The following TRIM28 variants were observed in gnomAD, a reference collection of about 807,000 sequenced individuals.
TRIM28 encodes tripartite motif containing 28, also known as transcription intermediary factor 1-beta.
In TRIM28, 8 loss-of-function variants were observed where a neutral mutation model predicts 87.4. That is an observed-to-expected ratio of 0.09 (90% confidence interval 0.05 to 0.17). The LOEUF is 0.17. Ranked by LOEUF, TRIM28 falls within the 10% of genes least tolerant of loss-of-function variation. The probability of loss-of-function intolerance (pLI) is 1.00; values close to 1 mark genes in which losing one functional copy is unlikely to be tolerated. For missense variants in TRIM28, 968 were observed against 1,131.8 expected (o/e 0.86, Z 2.08); for synonymous variants, 601 against 454.3 (o/e 1.32, Z -4.11).
At chr19:58,545,298 G>T (rs2053751159) in intron 1 of TRIM28, 127 bp from the exon 2 acceptor site, 1 of 934,808 alleles carries the variant, frequency 1.1e-6, no homozygotes, top group African/African-American at 1.7e-5. Flanking sequence ...GAGAAAAGAA[G>T]GCTCGGGGAG....
rs748177645 is a variant in TRIM28, at chr19:58,544,946, G to A, written c.189G>A (p.Glu63=). ...GGGAEALELL[E]HCGVCRERLR... is the part of the protein sequence containing the mutation. Reference sequence around the variant, plus strand: ...GCGCCGAGGCGCTGGAGCTGCTGGAGCACTGCGGCGTGTGCAGAGAGCGCC... The same window carrying A: ...GCGCCGAGGCGCTGGAGCTGCTGGAACACTGCGGCGTGTGCAGAGAGCGCC... Residue 63 remains glutamate (E), a synonymous_variant, in exon 1 of 17, where the codon GAG becomes GAA. Transcript: ENST00000253024. 799 of 1,485,568 alleles carry A rather than the reference G, an allele frequency of 5.4e-4. 1 individual carries two copies. The highest frequency in any genetic ancestry group is 6.8e-4 in the Non-Finnish European group (770 of 1,129,102). The allele number at this position is 1,485,568 out of a possible 1,614,324, so 92.0% of individuals were successfully genotyped here. A position where few individuals can be genotyped will look rare whatever the true frequency, so the allele number is the denominator to read the frequency against.
rs920298715 is a variant in TRIM28 at position 58,544,291 on chromosome 19, G to T, written c.-467G>T. On this transcript the variant is annotated 5_prime_UTR_variant, in exon 1 of 17. Coordinates refer to ENST00000253024, the MANE Select transcript of TRIM28 (RefSeq NM_005762.3). ...GCCCCGCCCCCACAAGAGCCCCACC[G>T]ACGTGGGGTTGGCGGTGGTGGAAGG... 2 of 152,354 alleles carry T rather than the reference G, an allele frequency of 1.3e-5. No homozygotes were observed. Among genetic ancestry groups the T allele is most frequent in the African/African-American group, 2.4e-5 (1 of 41,400 alleles). 9.4% of individuals were successfully genotyped at this position (152,354 alleles called of 1,614,324 possible).
At chr19:58,547,143 C>T (rs1250424761) in intron 3 of TRIM28, 12 of 541,100 alleles carry the variant, frequency 2.2e-5, no homozygotes, top group Admixed American at 1.4e-4. Flanking sequence ...TTGTTGTTAT[C>T]TCTAGAAGCT....
At position 58,545,604 on chromosome 19, in the gene TRIM28, G is replaced by A. The variant is rs974953470; in HGVS notation, c.453+67G>A. ...GGGGCATCTGCGCAGGAGGAGCTTG[G>A]CACCAGCTCCAGGCTGTTACTCCAC... is the stretch of plus-strand genomic sequence containing the variant. On this transcript the variant is annotated intron_variant, in intron 2 of 16. Coordinates refer to ENST00000253024, the MANE Select transcript of TRIM28 (RefSeq NM_005762.3). The A allele has an allele frequency of 3.2e-5, 47 of 1,490,020 alleles. No individual in the cohort carries two copies. In the Admixed American group the frequency reaches 8.1e-4, roughly 26 times the overall value. The allele number at this position is 1,490,020 out of a possible 1,614,324, so 92.3% of individuals were successfully genotyped here.
chr19:58,546,482 CT>C (rs2053762244), intron 3 of TRIM28, among the ~76,000 whole-genome samples: 1 of 152,124 alleles, frequency 6.6e-6, no homozygotes, highest in South Asian at 2.1e-4. Flanking sequence ...CATGAGTGGC[CT>C]TTTGGTAGCC....
In TRIM28 at chr19:58,544,929, G is replaced by C; in HGVS notation, c.172G>C (p.Ala58Pro). 3 of 1,434,594 alleles carry C rather than the reference G, an allele frequency of 2.1e-6. No individual in the cohort carries two copies. Among genetic ancestry groups the C allele is most frequent in the Non-Finnish European group, 2.7e-6 (3 of 1,103,398 alleles). 88.9% of individuals were successfully genotyped at this position (1,434,594 alleles called of 1,614,324 possible). ...GTCGCCCGCGGGGGGCGGCGCCGAG[G>C]CGCTGGAGCTGCTGGAGCACTGCGG... The part of the protein sequence containing the change: ...ASSPAGGGAE[A>P]LELLEHCGVC... Residue 58 changes from alanine (A) to proline (P), a missense_variant, in exon 1 of 17, where the codon GCG (alanine) becomes CCG (proline). By Grantham distance (27) the Ala-to-Pro change is conservative. Coordinates refer to ENST00000253024, the MANE Select transcript of TRIM28 (RefSeq NM_005762.3).
Position 58,547,590 on chromosome 19 carries a change from C to G in TRIM28, c.723-7C>G. The G allele has an allele frequency of 6.2e-7, 1 of 1,613,986 alleles. No homozygotes were observed. The highest frequency in any genetic ancestry group is 1.1e-5 in the South Asian group (1 of 91,080). ...TAGTGCTCAGGAACACATCTGTCTG[C>G]TCTCAGGTACCAGTTCTTAGAGGAT... On this transcript the variant is annotated splice_polypyrimidine_tract_variant and splice_region_variant and intron_variant, in intron 4 of 16. Transcript: ENST00000253024.
In TRIM28 at chr19:58,549,230, C is replaced by G; in HGVS notation, c.1652C>G (p.Ala551Gly). 6.2e-7 allele frequency: 1 copy of G among 1,613,384 alleles called. No homozygotes were observed. Among genetic ancestry groups the G allele is most frequent in the Non-Finnish European group, 8.5e-7 (1 of 1,179,548 alleles). The change falls in exon 12 of 17, where the codon GCC becomes GGC. Residue 551 changes from alanine (A) to glycine (G), a missense_variant. Physicochemically the swap from Ala to Gly is moderately conservative, Grantham distance 60. Transcript: ENST00000253024. The surrounding 1 kb of genome is among the most constrained non-coding windows in gnomAD (Gnocchi z 4.4). The stretch of plus-strand genomic sequence containing the variant: ...GGTGCCCCACCCCTGGCTGGCATGG[C>G]CATTGTCAAGGTAAGCCTGTCCCAA... Reference protein sequence around the residue: ...TPGAPPLAGMAIVKEEETEAA... With the variant: ...TPGAPPLAGMGIVKEEETEAA...
chr19:58,550,536 C>T lies in TRIM28; in HGVS notation c.2491C>T (p.Pro831Ser), dbSNP rs2053808141. Reference protein sequence around the residue: ...GLSSQELSGGPGDGP With the variant: ...GLSSQELSGGSGDGP ...GAGTTCCCAGGAGCTGTCTGGTGGC[C>T]CTGGTGATGGCCCCTGAGGCTGGAG... Residue 831 changes from proline (P) to serine (S), a missense_variant, in exon 17 of 17, where the codon CCT becomes TCT. Pro to Ser is a moderately conservative substitution (Grantham distance 74). Transcript: ENST00000253024. The T allele has an allele frequency of 1.9e-6, 3 of 1,609,204 alleles. No individual in the cohort carries two copies. Among genetic ancestry groups the T allele is most frequent in the Non-Finnish European group, 1.7e-6 (2 of 1,179,864 alleles).
At chr19:58,546,635 G>C (rs532613586) in intron 3 of TRIM28, among the ~76,000 whole-genome samples, 12 of 152,300 alleles carry the variant, frequency 7.9e-5, no homozygotes, top group African/African-American at 2.6e-4. Flanking sequence ...CAAAGGTCAG[G>C]GTGCAGGAAT....
chr19:58,547,131 C>G, intron 3 of TRIM28: 1 of 505,514 alleles, frequency 2.0e-6, no homozygotes, highest in Non-Finnish European at 3.6e-6. Flanking sequence ...CTTACCCTTA[C>G]ATTGTTGTTA....
Position 58,544,792 on chromosome 19 carries a change from C to G in TRIM28, c.35C>G (p.Ala12Gly). The G allele has an allele frequency of 3.4e-6, 4 of 1,191,912 alleles. No homozygotes were observed. Among genetic ancestry groups the G allele is most frequent in the Non-Finnish European group, 4.2e-6 (4 of 962,992 alleles). The allele number at this position is 1,191,912 out of a possible 1,614,324, so 73.8% of individuals were successfully genotyped here. Residue 12 changes from alanine to glycine, a missense_variant, in exon 1 of 17, where the codon GCG (alanine) becomes GGG (glycine). Coordinates refer to ENST00000253024, the MANE Select transcript of TRIM28 (RefSeq NM_005762.3). ...AASAAAASAA[A>G]ASAASGSPGP... ...TCCGCGGCGGCAGCCTCGGCAGCAGCGGCCTCGGCCGCCTCTGGCAGCCCG... is the reference window on the plus strand; with the variant it reads ...TCCGCGGCGGCAGCCTCGGCAGCAGGGGCCTCGGCCGCCTCTGGCAGCCCG...
rs2053792894 is a variant in TRIM28 at position 58,549,374 on chromosome 19, C to G, written c.1706C>G (p.Thr569Ser). The change falls in exon 13 of 17, where the codon ACT becomes AGT. Residue 569 changes from threonine (T) to serine (S), a missense_variant. By Grantham distance (58) the Thr-to-Ser change is moderately conservative. Around this residue, in one of 11 missense-constraint regions of TRIM28, gnomAD observed 164 missense variants for 146.2 expected, o/e 1.12. Coordinates refer to ENST00000253024, the MANE Select transcript of TRIM28 (RefSeq NM_005762.3). This position sits in a 1 kb window ranked among gnomAD's most constrained non-coding sequence, Gnocchi z 4.4. ...GCCATTGGAGCCCCTCCTACTGCCACTGAGGGCCCTGAGACCAAACCTGTG... is the reference window on the plus strand; with the variant it reads ...GCCATTGGAGCCCCTCCTACTGCCAGTGAGGGCCCTGAGACCAAACCTGTG... ...EAAIGAPPTA[T>S]EGPETKPVLM... is the part of the protein sequence containing the mutation. 2.5e-6 allele frequency: 4 copies of G among 1,573,258 alleles called. 1 individual carries two copies. The highest frequency in any genetic ancestry group is 2.3e-5 in the South Asian group (2 of 85,924).
In TRIM28 at chr19:58,544,957, T is replaced by A; in HGVS notation, c.200T>A (p.Val67Glu). ...CTGGAGCTGCTGGAGCACTGCGGCG[T>A]GTGCAGAGAGCGCCTGCGACCCGAG... ...EALELLEHCG[V>E]CRERLRPERE... is the part of the protein sequence containing the mutation. The change falls in exon 1 of 17, where the codon GTG becomes GAG. Residue 67 changes from valine (V) to glutamate (E), a missense_variant. Coordinates refer to ENST00000253024, the MANE Select transcript of TRIM28 (RefSeq NM_005762.3). 6.7e-7 allele frequency: 1 copy of A among 1,502,474 alleles called. No individual in the cohort carries two copies. The highest frequency in any genetic ancestry group is 8.8e-7 in the Non-Finnish European group (1 of 1,136,134). The allele number at this position is 1,502,474 out of a possible 1,614,324, so 93.1% of individuals were successfully genotyped here.
chr19:58,545,739 C>T (rs376973138), intron 2 of TRIM28, 25 bp from the exon 3 acceptor site: 19 of 1,592,860 alleles, frequency 1.2e-5, no homozygotes, highest in African/African-American at 4.0e-5. Flanking sequence ...GTCTTGCCTT[C>T]TCTGACCCTG....
chr19:58,548,950 G>T, intron 11 of TRIM28, 38 bp from the exon 12 acceptor site: 1 of 1,614,070 alleles, frequency 6.2e-7, no homozygotes, highest in Non-Finnish European at 8.5e-7. Flanking sequence ...GTGGATGGAG[G>T]GTGGGGGTGT....
chr19:58,545,218 T>TA, intron 1 of TRIM28, 121 bp downstream of exon 1: 1 of 1,014,588 alleles, frequency 9.9e-7, no homozygotes, highest in Non-Finnish European at 1.4e-6. Context: ...GCACGGGAAA[T>TA]ACTTTCTGGG....
At chr19:58,547,355 C>T (rs1256501219) in intron 3 of TRIM28, 21 bp from the exon 4 acceptor site, 1 of 1,610,890 alleles carries the variant, frequency 6.2e-7, no homozygotes, top group South Asian at 1.1e-5. Context: ...AAGGTCCAGC[C>T]TTATGATTCC....
In TRIM28 at chr19:58,544,912, C is replaced by CG; in HGVS notation, c.161dup (p.Gly55ArgfsTer35). 5.0e-6 allele frequency: 7 copies of CG among 1,390,548 alleles called. No individual in the cohort carries two copies. Among genetic ancestry groups the CG allele is most frequent in the South Asian group, 1.6e-5 (1 of 64,126 alleles). 86.1% of individuals were successfully genotyped at this position (1,390,548 alleles called of 1,614,324 possible). A position where few individuals can be genotyped will look rare whatever the true frequency, so the allele number is the denominator to read the frequency against. ...GCCTCAGCCGCGGCGTCGTCGCCCG[C>CG]GGGGGGCGGCGCCGAGGCGCTGGAG... On this transcript the variant is annotated frameshift_variant, in exon 1 of 17. Transcript: ENST00000253024. LOFTEE classifies it high-confidence loss of function.
Sources: allele counts gnomAD v4.1 joint callset (sites outside exome capture counted in the v4.1 genomes callset), GRCh38; gene constraint gnomAD v4.1.1; regional missense constraint gnomAD v4.1.1; non-coding constraint Gnocchi (gnomAD v3.1); transcripts MANE v1.5; gene names NCBI Gene and HGNC (gene_info 2026-07-23, HGNC 2026-07-21).